The following TANC2 variants were observed in gnomAD, a reference collection of about 807,000 sequenced individuals.
TANC2 encodes protein TANC2.
In TANC2, 26 loss-of-function variants were observed where a neutral mutation model predicts 210.5. That is an observed-to-expected ratio of 0.12 (90% CI 0.09 to 0.17). TANC2 has a LOEUF of 0.17. Among genes scored for constraint, TANC2 ranks in the 10% least tolerant of loss-of-function variants. The pLI is 1.00. For synonymous variants in TANC2, 931 were observed against 967.1 expected (o/e 0.96, Z 0.69); for missense variants, 2,129 against 2,608.9 (o/e 0.82, Z 4.01).
At chr17:63,216,304 C>T (rs1176921691) in intron 7 of TANC2, among the ~76,000 whole-genome samples, 1 of 152,178 alleles carries the variant, frequency 6.6e-6, no homozygotes, top group African/African-American at 2.4e-5. Flanking sequence ...CCATCTCGGC[C>T]TCCCAAAGTG....
At chr17:63,044,677 C>T (rs1169967301) in intron 2 of TANC2, among the ~76,000 whole-genome samples, 1 of 152,112 alleles carries the variant, frequency 6.6e-6, no homozygotes, top group Non-Finnish European at 1.5e-5. Flanking sequence ...TACTTTGTCA[C>T]TTTACCAATT....
intron 5 of TANC2, among the ~76,000 whole-genome samples, chr17:63,168,755 CT>C (rs988261484): frequency 6.6e-6 from 1 of 151,904 alleles, no homozygotes; most frequent in Non-Finnish European, 1.5e-5. Context: ...GGATTCCTTA[CT>C]TTTTTTTAGA....
chr17:63,002,149 C>G (rs1488010171), intron 1 of TANC2, among the ~76,000 whole-genome samples: 1 of 151,960 alleles, frequency 6.6e-6, no homozygotes, highest in African/African-American at 2.4e-5. Flanking sequence ...ACAGAGTTGC[C>G]CTCCCCTGGA....
chr17:63,044,580 A>C (rs1487221215), intron 2 of TANC2, among the ~76,000 whole-genome samples: 1 of 152,116 alleles, frequency 6.6e-6, no homozygotes, highest in Non-Finnish European at 1.5e-5. Flanking sequence ...ATCCTTACCC[A>C]CACATTAGTT....
At chr17:63,338,225 T>C (rs567571256) in intron 11 of TANC2, among the ~76,000 whole-genome samples, 1 of 152,308 alleles carries the variant, frequency 6.6e-6, no homozygotes, top group South Asian at 2.1e-4. Flanking sequence ...TAATTTACAC[T>C]CCCACCAACA....
rs1158768609 is a variant in TANC2, at chr17:63,205,344, C to CAAAAAAAAAAAAAAAAA, written c.769+4399_769+4415dup. ...ACTGCTCAAAATTTAACCAAGGAGG[C>CAAAAAAAAAAAAAAAAA]AAAAAAAAAAAAAAAAAAAAAAAAA... On this transcript the variant is annotated intron_variant, in intron 7 of 27. Transcript: ENST00000689528. Among the ~76,000 whole-genome samples the CAAAAAAAAAAAAAAAAA allele has an allele frequency of 7.4e-4, 6 of 8,070 alleles. 2 individuals are homozygous for CAAAAAAAAAAAAAAAAA. Among genetic ancestry groups the CAAAAAAAAAAAAAAAAA allele is most frequent in the African/African-American group, 1.1e-3 (2 of 1,876 alleles). The allele number at this position is 8,070 out of a possible 152,430, so 5.3% of individuals were successfully genotyped here. A position where few individuals can be genotyped will look rare whatever the true frequency, so the allele number is the denominator to read the frequency against.
chr17:63,402,782 TGTTTGCA>T (rs2048382174), intron 19 of TANC2, among the ~76,000 whole-genome samples: 1 of 152,276 alleles, frequency 6.6e-6, no homozygotes, highest in Non-Finnish European at 1.5e-5. Flanking sequence ...CTAACTGCTC[TGTTTGCA>T]GTTTGGTGTT....
intron 4 of TANC2, among the ~76,000 whole-genome samples, chr17:63,104,808 G>A (rs1350077041): frequency 5.4e-5 from 8 of 147,870 alleles, no homozygotes; most frequent in Non-Finnish European, 1.5e-5. Flanking sequence ...AAAATCTCTT[G>A]AGACAGTATA....
chr17:63,180,620 T>C (rs1375592694), intron 5 of TANC2, among the ~76,000 whole-genome samples: 1 of 152,228 alleles, frequency 6.6e-6, no homozygotes, highest in African/African-American at 2.4e-5. Context: ...GAACCTTTAT[T>C]ATATTCAAAT....
intron 5 of TANC2, among the ~76,000 whole-genome samples, chr17:63,183,213 T>A (rs543888649): frequency 2.0e-5 from 3 of 152,384 alleles, no homozygotes; most frequent in South Asian, 4.1e-4. Flanking sequence ...GCTTTTCCAT[T>A]GTGTCTGAAA....
intron 1 of TANC2, among the ~76,000 whole-genome samples, chr17:62,994,817 C>T (rs192836959): frequency 2.2e-4 from 33 of 152,256 alleles, no homozygotes; most frequent in Non-Finnish European, 3.7e-4. Context: ...GGAGTACTGC[C>T]ATCTGTCTTT....
chr17:63,382,414 A>G (rs1242287703), intron 15 of TANC2, among the ~76,000 whole-genome samples: 2 of 152,082 alleles, frequency 1.3e-5, no homozygotes, highest in Non-Finnish European at 2.9e-5. Context: ...TCCTTTAACT[A>G]TTTTCCTCCC....
chr17:63,011,986 C>A (rs1449643623), intron 2 of TANC2, among the ~76,000 whole-genome samples: 1 of 149,064 alleles, frequency 6.7e-6, no homozygotes, highest in Non-Finnish European at 1.5e-5. Context: ...CTTTCTTTTT[C>A]CTCTCTTCCT....
At chr17:62,988,348 G>C (rs950992484) in intron 1 of TANC2, among the ~76,000 whole-genome samples, 2 of 145,566 alleles carry the variant, frequency 1.4e-5, no homozygotes, top group Admixed American at 6.9e-5. Flanking sequence ...ATGTTCACTA[G>C]GCTGGTCTTG....
At chr17:63,345,704 A>G (rs1337870696) in intron 12 of TANC2, among the ~76,000 whole-genome samples, 2 of 152,226 alleles carry the variant, frequency 1.3e-5, no homozygotes, top group Non-Finnish European at 1.5e-5. Flanking sequence ...AGTACCAAAA[A>G]TAGCCAAAAC....
At chr17:63,073,748 G>A (rs1012574868) in intron 2 of TANC2, among the ~76,000 whole-genome samples, 195 bp from the exon 3 acceptor site, 6 of 151,974 alleles carry the variant, frequency 3.9e-5, no homozygotes, top group African/African-American at 1.2e-4. Flanking sequence ...CTTCAAGAGG[G>A]GAGTGTAAAC....
chr17:63,376,260 C>T (rs1211109143), intron 14 of TANC2, among the ~76,000 whole-genome samples: 4 of 149,336 alleles, frequency 2.7e-5, no homozygotes, highest in Non-Finnish European at 5.9e-5. Context: ...AGTGAAACCC[C>T]ATCTCTACTA....
intron 7 of TANC2, among the ~76,000 whole-genome samples, chr17:63,227,588 T>G (rs929679291): frequency 6.6e-6 from 1 of 152,244 alleles, no homozygotes; most frequent in Non-Finnish European, 1.5e-5. Context: ...TTTCTTTCGC[T>G]GTGCAAAAGC....
chr17:63,322,145 G>A (rs959101410), intron 11 of TANC2, among the ~76,000 whole-genome samples: 3 of 152,094 alleles, frequency 2.0e-5, no homozygotes, highest in East Asian at 1.9e-4. Flanking sequence ...AATTCATTGC[G>A]AAGTCATTGT....
Sources: gnomAD v4.1 joint callset for allele counts (sites outside exome capture counted in the v4.1 genomes callset) on GRCh38, gnomAD v4.1.1 for gene constraint, MANE v1.5 for transcripts, NCBI Gene and HGNC (gene_info 2026-07-23, HGNC 2026-07-21) for gene names.